The following CFAP61 variants were observed in gnomAD, a reference collection of about 807,000 sequenced individuals.
CFAP61 encodes the protein cilia and flagella associated protein 61, also known as cilia- and flagella-associated protein 61.
Under a neutral mutation model 135.6 loss-of-function variants are expected in CFAP61, and 107 were observed. The ratio of observed to expected loss-of-function variants is 0.79; its 90% confidence interval spans 0.67 to 0.93. The LOEUF (loss-of-function observed/expected upper bound fraction) is 0.93. Ranked by LOEUF, CFAP61 falls within the 40% of genes least tolerant of loss-of-function variation. CFAP61 has a pLI of 0.00. For missense variants in CFAP61, 1,507 were observed against 1,556.2 expected, an observed-to-expected ratio of 0.97 and a Z score of 0.53; for synonymous variants, 575 against 578.5, an observed-to-expected ratio of 0.99 and a Z score of 0.09.
chr20:20,269,643 A>T (rs1054809810), intron 21 of CFAP61, among the ~76,000 whole-genome samples: 4 of 152,176 alleles, frequency 2.6e-5, no homozygotes, highest in Admixed American at 2.6e-4. Context: ...AAGTGCTGGG[A>T]TTACAGGCAT....
chr20:20,353,050 A>G (rs2058902926), intron 26 of CFAP61, among the ~76,000 whole-genome samples: 1 of 152,202 alleles, frequency 6.6e-6, no homozygotes, highest in Non-Finnish European at 1.5e-5. Flanking sequence ...AAAACAAATG[A>G]CCTGATATAA....
chr20:20,316,722 C>T (rs1423814736), intron 25 of CFAP61: 2 of 151,322 alleles, frequency 1.3e-5, no homozygotes, highest in South Asian at 2.1e-4. Flanking sequence ...CCATCAATAC[C>T]TAATTTATTG....
At chr20:20,167,726 G>A (rs2053937506) in intron 12 of CFAP61, among the ~76,000 whole-genome samples, 1 of 152,106 alleles carries the variant, frequency 6.6e-6, no homozygotes, top group Non-Finnish European at 1.5e-5. Flanking sequence ...TTCCCCAAAA[G>A]GAGTCCTACT....
chr20:20,217,915 G>A (rs2048144301), intron 17 of CFAP61, among the ~76,000 whole-genome samples: 1 of 152,150 alleles, frequency 6.6e-6, no homozygotes, highest in Non-Finnish European at 1.5e-5. Flanking sequence ...CATTCATGTA[G>A]ACTGACCTAT....
At chr20:20,061,176 A>G (rs2044770619) in intron 2 of CFAP61, among the ~76,000 whole-genome samples, 1 of 152,176 alleles carries the variant, frequency 6.6e-6, no homozygotes, top group Admixed American at 6.5e-5. Context: ...TAGAGATGAT[A>G]ACTTCTGATC....
chr20:20,208,456 C>T lies in CFAP61; in HGVS notation c.1932+8554C>T, dbSNP rs554555951. Among the ~76,000 whole-genome samples the T allele has an allele frequency of 3.3e-5, 5 of 152,334 alleles. No homozygotes were observed. The East Asian group carries it at 9.6e-4, about 29-fold the overall frequency. On this transcript the variant is annotated intron_variant, in intron 17 of 26. Coordinates refer to ENST00000245957, the MANE Select transcript of CFAP61 (RefSeq NM_015585.4). ...CCTGACCCGCTGCTGAAGCCTGCAG[C>T]ACATAGGAAGCCTGTGGCTGGAGAA... is the stretch of plus-strand genomic sequence containing the variant.
intron 25 of CFAP61, among the ~76,000 whole-genome samples, chr20:20,333,085 A>G (rs376242170): frequency 1.4e-4 from 22 of 152,350 alleles, no homozygotes; most frequent in African/African-American, 4.6e-4. Context: ...CCAAAGAAAG[A>G]CTTTCTTTGA....
intron 25 of CFAP61, among the ~76,000 whole-genome samples, chr20:20,317,836 A>G (rs1011506014): frequency 2.6e-5 from 4 of 152,218 alleles, no homozygotes; most frequent in African/African-American, 9.7e-5. Flanking sequence ...GTGAAATAGG[A>G]AAGTGTACAC....
At chr20:20,299,413 C>G (rs6081952) in intron 25 of CFAP61, among the ~76,000 whole-genome samples, 1 of 152,112 alleles carries the variant, frequency 6.6e-6, no homozygotes, top group Non-Finnish European at 1.5e-5. Context: ...CAGATATAGC[C>G]TCAGTTGCAA....
chr20:20,256,308 T>G (rs937091399), intron 20 of CFAP61, among the ~76,000 whole-genome samples: 2 of 151,386 alleles, frequency 1.3e-5, no homozygotes, highest in African/African-American at 4.9e-5. Flanking sequence ...ACAACTAGAA[T>G]AAAAAGATAA....
At chr20:20,341,794 G>A in intron 25 of CFAP61, 37 bp from the exon 26 acceptor site, 1 of 1,461,594 alleles carries the variant, frequency 6.8e-7, no homozygotes, top group Non-Finnish European at 9.6e-7. Context: ...GTAATGAGAG[G>A]GTTGCCAGCT....
At chr20:20,201,568 G>A (rs1296514003) in intron 17 of CFAP61, among the ~76,000 whole-genome samples, 2 of 152,162 alleles carry the variant, frequency 1.3e-5, no homozygotes, top group Non-Finnish European at 2.9e-5. Flanking sequence ...AAGATCCTGG[G>A]AACAGACTGC....
chr20:20,152,122 A>G (rs543610821), intron 9 of CFAP61, among the ~76,000 whole-genome samples: 95 of 152,296 alleles, frequency 6.2e-4, no homozygotes, highest in South Asian at 3.5e-3. Flanking sequence ...AACTAGCTTC[A>G]TAAATGAAGG....
chr20:20,140,128 AT>A (rs3060428), intron 8 of CFAP61, among the ~76,000 whole-genome samples: 92 of 97,296 alleles, frequency 9.5e-4, no homozygotes, highest in East Asian at 7.4e-3. Context: ...GGTGCTGGAA[AT>A]TTTTTTTTTT....
At chr20:20,316,751 G>A (rs1371992057) in intron 25 of CFAP61, 1 of 151,114 alleles carries the variant, frequency 6.6e-6, no homozygotes, top group African/African-American at 2.4e-5. Flanking sequence ...TAGCATGAAG[G>A]GTTGCCTGTA....
At chr20:20,217,127 T>C (rs998125239) in intron 17 of CFAP61, among the ~76,000 whole-genome samples, 1 of 152,230 alleles carries the variant, frequency 6.6e-6, no homozygotes, top group Admixed American at 6.5e-5. Flanking sequence ...TTTGTAGCCT[T>C]AGCATACTCT....
intron 22 of CFAP61, among the ~76,000 whole-genome samples, chr20:20,286,468 A>G (rs1436081520): frequency 6.6e-6 from 1 of 152,250 alleles, no homozygotes; most frequent in Non-Finnish European, 1.5e-5. Flanking sequence ...TGAATGCATG[A>G]ATGAATGAAG....
At position 20,115,754 on chromosome 20, in the gene CFAP61, G is replaced by A. The variant is rs181325361; in HGVS notation, c.859+16940G>A. Reference sequence around the variant, plus strand: ...GGGGGCATCCAATTCTATCCATGTTGTTGCAAATGACAGGATTTTACTTTT... The same window carrying A: ...GGGGGCATCCAATTCTATCCATGTTATTGCAAATGACAGGATTTTACTTTT... On this transcript the variant is annotated intron_variant, in intron 8 of 26. Coordinates refer to ENST00000245957, the MANE Select transcript of CFAP61 (RefSeq NM_015585.4). Among the ~76,000 whole-genome samples, 5 of 152,232 alleles carry A rather than the reference G, an allele frequency of 3.3e-5. No homozygotes were observed. In the East Asian group the frequency reaches 7.7e-4, roughly 24 times the overall value.
intron 2 of CFAP61, 104 bp downstream of exon 2, chr20:20,056,900 C>G (rs898510034): frequency 9.8e-6 from 10 of 1,019,034 alleles, no homozygotes; most frequent in Non-Finnish European, 1.3e-5. Flanking sequence ...GGCAGATCAC[C>G]TGAGGCCAGG....
Sources: gnomAD v4.1 joint callset for allele counts (sites outside exome capture counted in the v4.1 genomes callset) on GRCh38, gnomAD v4.1.1 for gene constraint, MANE v1.5 for transcripts, NCBI Gene and HGNC (gene_info 2026-07-23, HGNC 2026-07-21) for gene names.